The following SBF2 variants were observed in gnomAD, a reference collection of about 807,000 sequenced individuals.
The protein encoded by SBF2 is myotubularin-related protein 13.
A neutral mutation model predicts 225.2 loss-of-function variants in SBF2; 112 were observed. That is an observed-to-expected ratio of 0.50 (90% confidence interval 0.43 to 0.58). The LOEUF (loss-of-function observed/expected upper bound fraction) is 0.58, where lower values mean the gene tolerates loss of function less well. SBF2 is among the 20% of genes least tolerant of loss of function. SBF2 has a pLI of 0.00. For missense variants in SBF2, 1,996 were observed against 2,206.2 expected (o/e 0.90, Z 1.91); for synonymous variants, 763 against 773.3 (o/e 0.99, Z 0.22).
chr11:10,127,286 T>C (rs1218396942), intron 2 of SBF2, among the ~76,000 whole-genome samples: 2 of 152,116 alleles, frequency 1.3e-5, no homozygotes, highest in African/African-American at 4.8e-5. Context: ...TAGTTTGAAA[T>C]GTTTTTCACA....
chr11:10,245,165 A>T (rs1038702927), intron 1 of SBF2, among the ~76,000 whole-genome samples: 3 of 151,040 alleles, frequency 2.0e-5, no homozygotes, highest in African/African-American at 7.3e-5. Context: ...TAAAATGGGC[A>T]AACTAATTAG....
chr11:9,940,703 G>T (rs1865202621), intron 16 of SBF2, among the ~76,000 whole-genome samples: 1 of 152,148 alleles, frequency 6.6e-6, no homozygotes, highest in Admixed American at 6.5e-5. Flanking sequence ...GGGGCACCAA[G>T]AAAATATTGC....
upstream of SBF2, among the ~76,000 whole-genome samples, chr11:10,297,320 A>G (rs1373667588): frequency 6.6e-6 from 1 of 151,944 alleles, no homozygotes; most frequent in Non-Finnish European, 1.5e-5. Flanking sequence ...TAGCCCTCCC[A>G]AGGTACTAGG....
intron 16 of SBF2, among the ~76,000 whole-genome samples, chr11:9,942,905 A>G (rs12277719): frequency 0.047 from 1,971 of 42,256 alleles, 22 homozygotes; most frequent in Non-Finnish European, 0.082. Flanking sequence ...GAGAGAGAGA[A>G]AGAAAGAAAG....
At chr11:9,965,897 A>G (rs1028212654) in intron 14 of SBF2, among the ~76,000 whole-genome samples, 1 of 152,186 alleles carries the variant, frequency 6.6e-6, no homozygotes, top group African/African-American at 2.4e-5. Flanking sequence ...TCCCACACAC[A>G]TAGGTTGGTG....
chr11:9,787,490 C>T, intron 36 of SBF2, 144 bp downstream of exon 36: 1 of 716,934 alleles, frequency 1.4e-6, no homozygotes, highest in South Asian at 1.5e-5. Flanking sequence ...TGCCCTGGAC[C>T]TCCAGGACAT....
At chr11:10,105,782 A>T (rs1029482304) in intron 2 of SBF2, among the ~76,000 whole-genome samples, 12 of 152,198 alleles carry the variant, frequency 7.9e-5, no homozygotes, top group African/African-American at 2.9e-4. Flanking sequence ...AGTCAAATCC[A>T]ATTTTCAAAG....
intron 1 of SBF2, among the ~76,000 whole-genome samples, chr11:10,216,111 G>C (rs1320143572): frequency 6.6e-6 from 1 of 152,190 alleles, no homozygotes; most frequent in Non-Finnish European, 1.5e-5. Flanking sequence ...CCTAGGCTAA[G>C]AGTGGTCCTT....
chr11:9,780,337 C>T lies in SBF2; in HGVS notation c.*81G>A, dbSNP rs1564845379. Reference sequence around the variant, plus strand: ...GCCCTGGGATAACTTGTTGTCAGCTCCTCAAGGATCCATGCTTCTTTTTCT... The same window carrying T: ...GCCCTGGGATAACTTGTTGTCAGCTTCTCAAGGATCCATGCTTCTTTTTCT... On this transcript the variant is annotated 3_prime_UTR_variant, in exon 40 of 40. Transcript: ENST00000256190. 2.4e-6 allele frequency: 3 copies of T among 1,244,770 alleles called. No individual in the cohort carries two copies. The highest frequency in any genetic ancestry group is 3.7e-5 in the Admixed American group (2 of 54,152). The allele number at this position is 1,244,770 out of a possible 1,614,324, so 77.1% of individuals were successfully genotyped here. A position where few individuals can be genotyped will look rare whatever the true frequency, so the allele number is the denominator to read the frequency against.
intron 28 of SBF2, among the ~76,000 whole-genome samples, chr11:9,818,716 T>C (rs1854588001): frequency 6.6e-6 from 1 of 152,214 alleles, no homozygotes; most frequent in South Asian, 2.1e-4. Flanking sequence ...TCATTTCAGC[T>C]TCACATGCAC....
Position 9,816,863 on chromosome 11 carries a change from A to G in SBF2, c.3955T>C (p.Phe1319Leu), listed in dbSNP as rs566475447. Residue 1319 changes from phenylalanine (F) to leucine (L), a missense_variant, in exon 29 of 40, where the codon TTT becomes CTT. By Grantham distance (22) the Phe-to-Leu change is conservative. Transcript: ENST00000256190. The stretch of plus-strand genomic sequence containing the variant: ...ACCCTTAGTTGCGACTTTTCACCAA[A>G]TATGTAAAGGGCTGCTTGCCGTTTC... Reference protein sequence around the residue: ...LLKRQAALYIFGEKSQLRNFK... With the variant: ...LLKRQAALYILGEKSQLRNFK... 1.2e-6 allele frequency: 2 copies of G among 1,614,146 alleles called. No homozygotes were observed. Among genetic ancestry groups the G allele is most frequent in the African/African-American group, 2.7e-5 (2 of 75,032 alleles).
At chr11:9,787,992 T>C in intron 35 of SBF2, 1 of 513,486 alleles carries the variant, frequency 1.9e-6, no homozygotes, top group South Asian at 2.1e-5. Flanking sequence ...GCTTACATAC[T>C]AGGATGTGAA....
chr11:9,922,713 C>G (rs1221333792), intron 16 of SBF2, among the ~76,000 whole-genome samples: 2 of 152,214 alleles, frequency 1.3e-5, no homozygotes, highest in African/African-American at 4.8e-5. Flanking sequence ...TGAGCACCCC[C>G]ATTTTTCTGA....
In SBF2 at chr11:10,294,159, T is replaced by C; in HGVS notation, c.-90A>G. The stretch of plus-strand genomic sequence containing the variant: ...GCCCGGGAGGGCTCAGCATTTTCCC[T>C]GCAGCGGCAGTAGCGGCAGCGGCAG... On this transcript the variant is annotated 5_prime_UTR_variant, in exon 1 of 40. Coordinates refer to ENST00000256190, the MANE Select transcript of SBF2 (RefSeq NM_030962.4). The C allele has an allele frequency of 2.0e-6, 2 of 1,005,114 alleles. No individual in the cohort carries two copies. The highest frequency in any genetic ancestry group is 1.3e-6 in the Non-Finnish European group (1 of 772,868). The allele number at this position is 1,005,114 out of a possible 1,614,324, so 62.3% of individuals were successfully genotyped here. A position where few individuals can be genotyped will look rare whatever the true frequency, so the allele number is the denominator to read the frequency against.
chr11:9,812,670 A>C lies in SBF2; in HGVS notation c.4017T>G (p.Val1339=). The C allele has an allele frequency of 6.2e-7, 1 of 1,614,180 alleles. No individual in the cohort carries two copies. The highest frequency in any genetic ancestry group is 8.5e-7 in the Non-Finnish European group (1 of 1,180,038). ...KVEFALNCEF[V]PVEFHEIRQV... is the part of the protein sequence containing the mutation. Reference sequence around the variant, plus strand: ...GCCGGATTTCATGAAATTCAACAGGAACAAACTCACAATTTAAAGCAAATT... The same window carrying C: ...GCCGGATTTCATGAAATTCAACAGGCACAAACTCACAATTTAAAGCAAATT... Residue 1339 remains valine (V), a synonymous_variant, in exon 30 of 40, where the codon GTT becomes GTG. Transcript: ENST00000256190.
At chr11:10,010,392 G>A (rs1175094577) in intron 6 of SBF2, among the ~76,000 whole-genome samples, 1 of 152,070 alleles carries the variant, frequency 6.6e-6, no homozygotes, top group Admixed American at 6.6e-5. Context: ...AAGTTTTTAA[G>A]GCATCTTGAG....
chr11:10,175,520 G>T (rs1407777288), intron 2 of SBF2, among the ~76,000 whole-genome samples: 15 of 147,938 alleles, frequency 1.0e-4, no homozygotes, highest in East Asian at 2.0e-4. Context: ...AGCAAGTCCT[G>T]AGCGACCTAC....
intron 16 of SBF2, among the ~76,000 whole-genome samples, chr11:9,947,156 A>T (rs1178022530): frequency 6.6e-6 from 1 of 152,242 alleles, no homozygotes; most frequent in African/African-American, 2.4e-5. Flanking sequence ...GACAACTATA[A>T]TCAAGTGCCT....
intron 7 of SBF2, 37 bp from the exon 8 acceptor site, chr11:10,001,059 C>T (rs1407955897): frequency 1.8e-6 from 2 of 1,096,162 alleles, no homozygotes; most frequent in Non-Finnish European, 2.8e-6. Flanking sequence ...ATATATTTTT[C>T]TTTAACATAA....
Sources: allele counts gnomAD v4.1 joint callset (sites outside exome capture counted in the v4.1 genomes callset), GRCh38; gene constraint gnomAD v4.1.1; transcripts MANE v1.5; gene names NCBI Gene and HGNC (gene_info 2026-07-23, HGNC 2026-07-21).